NECTIN4: variants seen among roughly 807,000 people sequenced by gnomAD.
NECTIN4 encodes nectin-4.
NECTIN4 carries 19 observed loss-of-function variants against 51.7 expected under a neutral mutation model. The ratio of observed to expected loss-of-function variants is 0.37; its 90% confidence interval spans 0.26 to 0.54. NECTIN4 has a LOEUF of 0.54. NECTIN4 is among the 20% of genes least tolerant of loss of function. The pLI is 0.86. For synonymous variants in NECTIN4, 283 were observed against 286.9 expected (o/e 0.99, Z 0.14); for missense variants, 619 against 662.4 (o/e 0.93, Z 0.72).
intron 1 of NECTIN4, among the ~76,000 whole-genome samples, chr1:161,085,351 C>CGGAGCCA (rs1653896101): frequency 6.6e-6 from 1 of 152,126 alleles, no homozygotes; most frequent in African/African-American, 2.4e-5. Context: ...CTAAACCCCC[C>CGGAGCCA]GGAGCCAGAG....
rs140712237 is a variant in NECTIN4 at position 161,077,956 on chromosome 1, A to G, written c.440-213T>C. Among the ~76,000 whole-genome samples the G allele has an allele frequency of 2.8e-3, 419 of 152,344 alleles. 1 individual carries two copies. The highest frequency in any genetic ancestry group is 9.6e-3 in the African/African-American group (399 of 41,574). On this transcript the variant is annotated intron_variant, in intron 2 of 8. Transcript: ENST00000368012. ...TACAATGAACGTAGGTTATTTTAAA[A>G]AATAAAATAATGAAGTAATTAAAAA... is the stretch of plus-strand genomic sequence containing the variant.
Position 161,076,426 on chromosome 1 carries a change from G to A in NECTIN4, c.780C>T (p.His260=), listed in dbSNP as rs1398076728. 4 of 1,614,060 alleles carry A rather than the reference G, an allele frequency of 2.5e-6. No homozygotes were observed. Among genetic ancestry groups the A allele is most frequent in the Non-Finnish European group, 3.4e-6 (4 of 1,180,024 alleles). ...TGAGCATAGCTCCTTCTCTGCCAAT[G>A]TGCCACAGATTTTGGTCTTCAAGGC... is the stretch of plus-strand genomic sequence containing the variant. ...VRGLEDQNLW[H]IGREGAMLKC... Residue 260 remains histidine, a synonymous_variant, in exon 4 of 9, where the codon CAC becomes CAT. Transcript: ENST00000368012.
chr1:161,085,823 A>T (rs2101678934), intron 1 of NECTIN4, among the ~76,000 whole-genome samples: 1 of 151,150 alleles, frequency 6.6e-6, no homozygotes, highest in South Asian at 2.1e-4. Context: ...AGTAGCTGGG[A>T]CCACAGGTAT....
At chr1:161,087,844 T>C (rs1654019198) in intron 1 of NECTIN4, among the ~76,000 whole-genome samples, 1 of 152,110 alleles carries the variant, frequency 6.6e-6, no homozygotes, top group African/African-American at 2.4e-5. Context: ...AGTTTTTTCA[T>C]CTGTAAAATG....
At chr1:161,088,292 G>A (rs1414923413) in intron 1 of NECTIN4, among the ~76,000 whole-genome samples, 1 of 152,050 alleles carries the variant, frequency 6.6e-6, no homozygotes, top group Admixed American at 6.5e-5. Flanking sequence ...GTCCTGTCCA[G>A]ATCAGGCCCT....
chr1:161,083,745 C>A (rs754402325), intron 1 of NECTIN4, among the ~76,000 whole-genome samples: 7 of 152,196 alleles, frequency 4.6e-5, no homozygotes, highest in Non-Finnish European at 8.8e-5. Context: ...CCCTTGGCCT[C>A]CCCCACCCTG....
chr1:161,072,597 G>T lies in NECTIN4; in HGVS notation c.*64C>A, dbSNP rs543834963. On this transcript the variant is annotated 3_prime_UTR_variant, in exon 9 of 9. Transcript: ENST00000368012. ...TGGGGGTGTTTAAGGAGGCCCCCAA[G>T]ATGAGCTAAAATCTCCCATGTCAAC... 92 of 1,405,740 alleles carry T rather than the reference G, an allele frequency of 6.5e-5. No homozygotes were observed. The Admixed American group carries it at 1.5e-3, about 24-fold the overall frequency. 87.1% of individuals were successfully genotyped at this position (1,405,740 alleles called of 1,614,324 possible). A position where few individuals can be genotyped will look rare whatever the true frequency, so the allele number is the denominator to read the frequency against.
intron 1 of NECTIN4, chr1:161,086,770 G>C (rs1028596863): frequency 6.6e-6 from 1 of 152,436 alleles, no homozygotes; most frequent in Non-Finnish European, 1.5e-5. Context: ...AGGGCCCTGG[G>C]GCTCAGAGCT....
At position 161,079,577 on chromosome 1, in the gene NECTIN4, G is replaced by A; in HGVS notation, c.439+13C>T. ...CACAGCGGCTCAGACCGTACCCAGA[G>A]ATCCCCGCTTACCCAGCACTCGGAG... On this transcript the variant is annotated intron_variant, in intron 2 of 8. Coordinates refer to ENST00000368012, the MANE Select transcript of NECTIN4 (RefSeq NM_030916.3). 4 of 1,602,344 alleles carry A rather than the reference G, an allele frequency of 2.5e-6. No homozygotes were observed. The highest frequency in any genetic ancestry group is 3.4e-6 in the Non-Finnish European group (4 of 1,179,280).
intron 1 of NECTIN4, among the ~76,000 whole-genome samples, chr1:161,085,525 A>G (rs1346808317): frequency 6.6e-6 from 1 of 151,930 alleles, no homozygotes; most frequent in Non-Finnish European, 1.5e-5. Flanking sequence ...TCCAGCTCTC[A>G]GGACACACCA....
intron 1 of NECTIN4, chr1:161,084,583 G>T (rs1366848927): frequency 6.6e-6 from 1 of 152,178 alleles, no homozygotes; most frequent in Admixed American, 6.6e-5. Context: ...CCCTCCAGGT[G>T]ATGGGAACTT....
rs1654077164 is a variant in NECTIN4 at position 161,089,134 on chromosome 1, GTGTGTGTCTATGTGTTTGTGCA to G, written c.79+62_79+83del. 3.4e-6 allele frequency: 4 copies of G among 1,166,230 alleles called. No homozygotes were observed. In the Admixed American group the frequency reaches 6.7e-5, roughly 20 times the overall value. The allele number at this position is 1,166,230 out of a possible 1,614,324, so 72.2% of individuals were successfully genotyped here. ...GAAAGGAGGATATGTGTGTGCGTGCGTGTGTGTCTATGTGTTTGTGCATGTGTGTCAGTGCCAGGTTGGGCTC... is the reference window on the plus strand; with the variant it reads ...GAAAGGAGGATATGTGTGTGCGTGCGTGTGTGTCAGTGCCAGGTTGGGCTC... On this transcript the variant is annotated intron_variant, in intron 1 of 8. Coordinates refer to ENST00000368012, the MANE Select transcript of NECTIN4 (RefSeq NM_030916.3). The surrounding 1 kb of genome is among the most constrained non-coding windows in gnomAD (Gnocchi z 4.1).
chr1:161,074,034 G>T (rs1653303282), intron 6 of NECTIN4, among the ~76,000 whole-genome samples, 183 bp downstream of exon 6: 1 of 152,160 alleles, frequency 6.6e-6, no homozygotes, highest in South Asian at 2.1e-4. Flanking sequence ...TGGAAGGATT[G>T]AGTGCTCCAT....
At chr1:161,080,961 T>C (rs1334694396) in intron 1 of NECTIN4, among the ~76,000 whole-genome samples, 1 of 152,078 alleles carries the variant, frequency 6.6e-6, no homozygotes, top group African/African-American at 2.4e-5. Flanking sequence ...AACTGTGGGA[T>C]GGGGCAATCA....
chr1:161,072,900 C>A lies in NECTIN4; in HGVS notation c.1309-15G>T. The A allele has an allele frequency of 6.2e-7, 1 of 1,603,962 alleles. No individual in the cohort carries two copies. The highest frequency in any genetic ancestry group is 1.7e-5 in the Admixed American group (1 of 58,518). ...GGCTCTTCACTCTGGAGACCAAGGGCAAAGGGCAAGTCAGGAACAAAGGCA... is the reference window on the plus strand; with the variant it reads ...GGCTCTTCACTCTGGAGACCAAGGGAAAAGGGCAAGTCAGGAACAAAGGCA... On this transcript the variant is annotated splice_polypyrimidine_tract_variant and intron_variant, in intron 8 of 8. Coordinates refer to ENST00000368012, the MANE Select transcript of NECTIN4 (RefSeq NM_030916.3).
At position 161,073,230 on chromosome 1, in the gene NECTIN4, C is replaced by T; in HGVS notation, c.1303G>A (p.Val435Met). ...DSLKDNSSCS[V>M]MSEEPEGRSY... Reference sequence around the variant, plus strand: ...GGTGGGGCCGGGGGCCTCACCATCACAGAGCAGCTACTGTTGTCCTTGAGA... The same window carrying T: ...GGTGGGGCCGGGGGCCTCACCATCATAGAGCAGCTACTGTTGTCCTTGAGA... The change falls in exon 8 of 9, where the codon GTG becomes ATG. Residue 435 changes from valine (V) to methionine (M), a missense_variant. Around this residue, in one of 3 missense-constraint regions of NECTIN4, gnomAD observed 364 missense variants for 415.7 expected, o/e 0.88. Coordinates refer to ENST00000368012, the MANE Select transcript of NECTIN4 (RefSeq NM_030916.3). 1 of 1,614,082 alleles carries T rather than the reference C, an allele frequency of 6.2e-7. No individual in the cohort carries two copies. The highest frequency in any genetic ancestry group is 8.5e-7 in the Non-Finnish European group (1 of 1,179,938).
chr1:161,072,795 G>T lies in NECTIN4; in HGVS notation c.1399C>A (p.Arg467=), dbSNP rs139761589. The stretch of plus-strand genomic sequence containing the variant: ...TCCTGATCTTCCTCCTCCTCGGCCC[G>T]CCCAGAGCCTGGAGACAGCAGTTCA... ...QTELLSPGSG[R]AEEEEDQDEG... Residue 467 remains arginine (R), a synonymous_variant, in exon 9 of 9, where the codon CGG becomes AGG. Transcript: ENST00000368012. 3 of 1,614,062 alleles carry T rather than the reference G, an allele frequency of 1.9e-6. No individual in the cohort carries two copies. Among genetic ancestry groups the T allele is most frequent in the African/African-American group, 2.7e-5 (2 of 74,918 alleles).
intron 1 of NECTIN4, among the ~76,000 whole-genome samples, chr1:161,082,029 T>C (rs981174957): frequency 1.3e-5 from 2 of 151,996 alleles, no homozygotes; most frequent in African/African-American, 4.8e-5. Context: ...AGAAGGAAAG[T>C]GTAGAATGAG....
At position 161,073,267 on chromosome 1, in the gene NECTIN4, G is replaced by A. The variant is rs1263565280; in HGVS notation, c.1266C>T (p.Gly422=). The A allele has an allele frequency of 1.2e-5, 20 of 1,614,066 alleles. No individual in the cohort carries two copies. The highest frequency in any genetic ancestry group is 1.3e-5 in the Non-Finnish European group (15 of 1,179,962). The change falls in exon 8 of 9, where the codon GGC becomes GGT. Residue 422 remains glycine, a synonymous_variant. Coordinates refer to ENST00000368012, the MANE Select transcript of NECTIN4 (RefSeq NM_030916.3). ...PEESVGLRAE[G]HPDSLKDNSS... ...TGTTGTCCTTGAGACTATCAGGGTGGCCCTCGGCTCTCAGCCCTACACTCT... is the reference window on the plus strand; with the variant it reads ...TGTTGTCCTTGAGACTATCAGGGTGACCCTCGGCTCTCAGCCCTACACTCT...
Sources: allele counts gnomAD v4.1 joint callset (sites outside exome capture counted in the v4.1 genomes callset), GRCh38; gene constraint gnomAD v4.1.1; regional missense constraint gnomAD v4.1.1; non-coding constraint Gnocchi (gnomAD v3.1); transcripts MANE v1.5; gene names NCBI Gene and HGNC (gene_info 2026-07-23, HGNC 2026-07-21).